RBM39: variants seen among roughly 807,000 people sequenced by gnomAD.
RBM39 encodes RNA-binding protein 39.
RBM39 carries 12 observed loss-of-function variants against 79.6 expected under a neutral mutation model. That is an observed-to-expected ratio of 0.15 (90% CI 0.10 to 0.24). The LOEUF (loss-of-function observed/expected upper bound fraction) is 0.24, where lower values mean the gene tolerates loss of function less well. Among genes scored for constraint, RBM39 ranks in the 10% least tolerant of loss-of-function variants. The probability of loss-of-function intolerance (pLI) is 1.00; values close to 1 mark genes in which losing one functional copy is unlikely to be tolerated. For missense variants in RBM39, 243 were observed against 653.4 expected, an observed-to-expected ratio of 0.37 and a Z score of 6.85; for synonymous variants, 185 against 208.4, an observed-to-expected ratio of 0.89 and a Z score of 0.97.
At chr20:35,741,030 C>CTTTTGTTTTTTT (rs2040447943) in intron 1 of RBM39, 143 bp from the exon 2 acceptor site, 2 of 118,628 alleles carry the variant, frequency 1.7e-5, no homozygotes, top group African/African-American at 5.2e-5. Flanking sequence ...AAACATTTTT[C>CTTTTGTTTTTTT]TTTTTTTTTT....
intron 3 of RBM39, among the ~76,000 whole-genome samples, chr20:35,735,895 C>A (rs1006966240): frequency 2.0e-5 from 3 of 152,116 alleles, no homozygotes; most frequent in African/African-American, 7.2e-5. Context: ...CAAAGGCCAC[C>A]GAATATCACA....
intron 6 of RBM39, 152 bp downstream of exon 6, chr20:35,729,160 T>C (rs970155155): frequency 2.1e-5 from 10 of 487,522 alleles, no homozygotes; most frequent in East Asian, 3.3e-5. Context: ...GAAAACTCAG[T>C]AGAAATTCAC....
intron 12 of RBM39, among the ~76,000 whole-genome samples, chr20:35,711,684 A>C (rs1184012479): frequency 6.6e-6 from 1 of 152,250 alleles, no homozygotes; most frequent in Admixed American, 6.5e-5. Flanking sequence ...CAGTGAAAAA[A>C]TAAATGTAAA....
Position 35,716,728 on chromosome 20 carries a change from GTAAT to G in RBM39, c.891+8_891+11del. On this transcript the variant is annotated splice_region_variant and intron_variant, in intron 10 of 16. Coordinates refer to ENST00000253363, the MANE Select transcript of RBM39 (RefSeq NM_184234.3). The stretch of plus-strand genomic sequence containing the variant: ...AAAAACCCTAAGTAATATAATTATG[GTAAT>G]TACTTACTGTAATAAATCCATATCC... 6.8e-7 allele frequency: 1 copy of G among 1,473,544 alleles called. No individual in the cohort carries two copies. The highest frequency in any genetic ancestry group is 9.4e-7 in the Non-Finnish European group (1 of 1,066,964). The allele number at this position is 1,473,544 out of a possible 1,614,324, so 91.3% of individuals were successfully genotyped here.
chr20:35,738,889 T>C (rs2040253059), intron 3 of RBM39, 79 bp downstream of exon 3: 2 of 1,268,348 alleles, frequency 1.6e-6, no homozygotes, highest in Non-Finnish European at 2.3e-6. Context: ...TTGTATACTT[T>C]AGCCACAGGA....
At chr20:35,713,926 T>C in intron 11 of RBM39, 1 of 346,672 alleles carries the variant, frequency 2.9e-6, no homozygotes, top group South Asian at 5.6e-5. Context: ...ACTAAATTTA[T>C]TCCTAAGTAT....
At chr20:35,728,326 A>T (rs1470361317) in intron 6 of RBM39, among the ~76,000 whole-genome samples, 1 of 152,254 alleles carries the variant, frequency 6.6e-6, no homozygotes, top group Admixed American at 6.5e-5. Flanking sequence ...ACAAAGAAAC[A>T]TTTAACACGA....
intron 8 of RBM39, among the ~76,000 whole-genome samples, chr20:35,724,242 G>A (rs767989192): frequency 1.4e-4 from 21 of 151,874 alleles, no homozygotes; most frequent in Non-Finnish European, 3.1e-4. Context: ...TGAGGCAGGA[G>A]AATCGCTTGA....
At chr20:35,715,592 T>C (rs2037010367) in intron 10 of RBM39, among the ~76,000 whole-genome samples, 1 of 152,238 alleles carries the variant, frequency 6.6e-6, no homozygotes, top group Non-Finnish European at 1.5e-5. Context: ...CTGTTAAGAA[T>C]GTGTCAAAAG....
chr20:35,735,743 A>G (rs1307656019), intron 3 of RBM39, among the ~76,000 whole-genome samples: 1 of 152,238 alleles, frequency 6.6e-6, no homozygotes, highest in African/African-American at 2.4e-5. Flanking sequence ...TCATTTATTT[A>G]TCACCTATAA....
At chr20:35,732,373 T>C in intron 3 of RBM39, 1 of 522,324 alleles carries the variant, frequency 1.9e-6, no homozygotes, top group Non-Finnish European at 3.4e-6. Context: ...CTGGCCAATG[T>C]AGTGAAACCC....
intron 6 of RBM39, among the ~76,000 whole-genome samples, chr20:35,728,474 A>G (rs1313485248): frequency 6.6e-6 from 1 of 152,174 alleles, no homozygotes; most frequent in African/African-American, 2.4e-5. Context: ...ATAGGAAAAT[A>G]AGATTACATT....
chr20:35,714,425 C>G lies in RBM39; in HGVS notation c.892-36G>C, dbSNP rs184276262. 489 of 1,563,396 alleles carry G rather than the reference C, an allele frequency of 3.1e-4. 6 individuals are homozygous for G. In the East Asian group the frequency reaches 0.01, roughly 33 times the overall value. On this transcript the variant is annotated intron_variant, in intron 10 of 16. Coordinates refer to ENST00000253363, the MANE Select transcript of RBM39 (RefSeq NM_184234.3). ...GGGGAGGCAAGGACAGGAGACAGTG[C>G]TTTAATTTTTAAAATACAAACTATA...
intron 8 of RBM39, among the ~76,000 whole-genome samples, chr20:35,722,835 C>G (rs6058305): frequency 0.26 from 39,094 of 151,108 alleles, 5,834 homozygotes; most frequent in African/African-American, 0.42. Flanking sequence ...TTGAGAGACT[C>G]AGGCAGGAGA....
rs2035277318 is a variant in RBM39 at position 35,701,355 on chromosome 20, A to G, written c.*3126T>C. 1 of 161,388 alleles carries G rather than the reference A, an allele frequency of 6.2e-6. No individual in the cohort carries two copies. The allele number at this position is 161,388 out of a possible 1,614,324, so 10.0% of individuals were successfully genotyped here. A position where few individuals can be genotyped will look rare whatever the true frequency, so the allele number is the denominator to read the frequency against. ...GCCCAGGTTGGAGTGCAGTGGCACG[A>G]TCTCGGCTTACCGCAACTTCTGCCT... On this transcript the variant is annotated 3_prime_UTR_variant, in exon 17 of 17. Transcript: ENST00000253363.
chr20:35,735,505 C>CTA (rs1817260749), intron 3 of RBM39, among the ~76,000 whole-genome samples: 1 of 152,196 alleles, frequency 6.6e-6, no homozygotes, highest in South Asian at 2.1e-4. Context: ...ACCTAACAAA[C>CTA]TATAGCTCAA....
intron 3 of RBM39, chr20:35,735,048 T>G: frequency 6.3e-7 from 1 of 1,576,970 alleles, no homozygotes; most frequent in South Asian, 1.2e-5. Flanking sequence ...ACCTCTTCCA[T>G]GTAAGAAGAT....
intron 6 of RBM39, among the ~76,000 whole-genome samples, chr20:35,725,407 A>C (rs2038527153): frequency 6.6e-6 from 1 of 152,110 alleles, no homozygotes; most frequent in Non-Finnish European, 1.5e-5. Context: ...GCTATGCTGC[A>C]CAAGTTGGTC....
At chr20:35,741,012 C>A in intron 1 of RBM39, 125 bp from the exon 2 acceptor site, 1 of 257,020 alleles carries the variant, frequency 3.9e-6, no homozygotes, top group South Asian at 4.9e-5. Context: ...CAAGACGATT[C>A]CGTGAGTAAA....
Sources: allele counts gnomAD v4.1 joint callset (sites outside exome capture counted in the v4.1 genomes callset), GRCh38; gene constraint gnomAD v4.1.1; transcripts MANE v1.5; gene names NCBI Gene and HGNC (gene_info 2026-07-23, HGNC 2026-07-21).